The following TPGS1 variants were observed in gnomAD, a reference collection of about 807,000 sequenced individuals.
TPGS1 encodes the protein tubulin polyglutamylase complex subunit 1, also known as gene trap ROSA b-geo 22.
A neutral mutation model predicts 11.9 loss-of-function variants in TPGS1; 18 were observed. That is an observed-to-expected ratio of 1.51 (90% confidence interval 1.04 to 2.24). TPGS1 has a LOEUF of 2.24. TPGS1 is among the 30% of genes most tolerant of loss of function. The pLI is 0.00. For missense variants in TPGS1, 500 were observed against 443.0 expected (o/e 1.13, Z -1.16); for synonymous variants, 247 against 218.2 (o/e 1.13, Z -1.16).
intron 1 of TPGS1, among the ~76,000 whole-genome samples, chr19:517,883 G>A: frequency 7.6e-6 from 1 of 132,150 alleles, no homozygotes. Flanking sequence ...GGCCAGGCTG[G>A]GTGGGGGCTG....
Position 519,151 on chromosome 19 carries a change from C to G in TPGS1, c.601C>G (p.Leu201Val). 1.3e-6 allele frequency: 2 copies of G among 1,511,540 alleles called. No individual in the cohort carries two copies. The highest frequency in any genetic ancestry group is 1.8e-6 in the Non-Finnish European group (2 of 1,137,556). 93.6% of individuals were successfully genotyped at this position (1,511,540 alleles called of 1,614,324 possible). A position where few individuals can be genotyped will look rare whatever the true frequency, so the allele number is the denominator to read the frequency against. The change falls in exon 2 of 2, where the codon CTC (leucine) becomes GTC (valine). Residue 201 changes from leucine (L) to valine (V), a missense_variant. By Grantham distance (32) the Leu-to-Val change is conservative. Transcript: ENST00000359315. ...LLEFVARAGA[L>V]FQLLEDSAAA... ...GGAGTTCGTGGCGCGCGCCGGCGCG[C>G]TCTTCCAGCTGCTGGAGGACTCGGC...
Position 519,265 on chromosome 19 carries a change from C to T in TPGS1, c.715C>T (p.Arg239Cys), listed in dbSNP as rs1263934477. The T allele has an allele frequency of 4.1e-5, 49 of 1,201,108 alleles. No homozygotes were observed. The highest frequency in any genetic ancestry group is 5.1e-5 in the Non-Finnish European group (49 of 969,890). 74.4% of individuals were successfully genotyped at this position (1,201,108 alleles called of 1,614,324 possible). A position where few individuals can be genotyped will look rare whatever the true frequency, so the allele number is the denominator to read the frequency against. The change falls in exon 2 of 2, where the codon CGC becomes TGC. Residue 239 changes from arginine (R) to cysteine (C), a missense_variant. Transcript: ENST00000359315. ...LQASDAAAPA[R>C]FLEAGSRLGP... The stretch of plus-strand genomic sequence containing the variant: ...GGCCAGCGACGCCGCCGCGCCCGCG[C>T]GCTTCCTGGAGGCCGGCTCGCGCTT...
intron 1 of TPGS1, among the ~76,000 whole-genome samples, chr19:514,655 C>A (rs1433929115): frequency 6.6e-6 from 1 of 152,254 alleles, no homozygotes; most frequent in Non-Finnish European, 1.5e-5. Context: ...CACCATGAAG[C>A]TGAGCTCCCA....
chr19:508,142 G>A (rs1228300668), intron 1 of TPGS1: 3 of 310,686 alleles, frequency 9.7e-6, no homozygotes, highest in African/African-American at 6.4e-5. Flanking sequence ...TTTCAAAATC[G>A]TGCAGCTCAA....
In TPGS1 at chr19:507,590, G is replaced by A. The variant is rs918046730; in HGVS notation, c.84G>A (p.Ala28=). ...TDSGRQSVSR[A]AGAAESEEDF... is the part of the protein sequence containing the mutation. ...GCGGCCGCCAGTCGGTATCCCGGGC[G>A]GCGGGGGCGGCCGAGAGCGAGGAGG... The change falls in exon 1 of 2, where the codon GCG becomes GCA. Residue 28 remains alanine, a synonymous_variant. Transcript: ENST00000359315. 2 of 1,400,566 alleles carry A rather than the reference G, an allele frequency of 1.4e-6. No homozygotes were observed. Among genetic ancestry groups the A allele is most frequent in the African/African-American group, 3.0e-5 (2 of 66,686 alleles). 86.8% of individuals were successfully genotyped at this position (1,400,566 alleles called of 1,614,324 possible).
At chr19:518,038 A>C (rs1434919431) in intron 1 of TPGS1, among the ~76,000 whole-genome samples, 1 of 42,664 alleles carries the variant, frequency 2.3e-5, no homozygotes. Context: ...GGGGAGGCCC[A>C]GGCTGAGGGG....
chr19:511,068 T>C (rs539678641), intron 1 of TPGS1, among the ~76,000 whole-genome samples: 1 of 152,378 alleles, frequency 6.6e-6, no homozygotes, highest in Non-Finnish European at 1.5e-5. Context: ...TATTAACAAA[T>C]GCTCACACGC....
At position 519,378 on chromosome 19, in the gene TPGS1, G is replaced by C; in HGVS notation, c.828G>C (p.Glu276Asp). 2 of 1,223,122 alleles carry C rather than the reference G, an allele frequency of 1.6e-6. No homozygotes were observed. The highest frequency in any genetic ancestry group is 2.0e-6 in the Non-Finnish European group (2 of 981,720). 75.8% of individuals were successfully genotyped at this position (1,223,122 alleles called of 1,614,324 possible). Residue 276 changes from glutamate (E) to aspartate (D), a missense_variant, in exon 2 of 2, where the codon GAG (glutamate) becomes GAC (aspartate). By Grantham distance (45) the Glu-to-Asp change is conservative. Transcript: ENST00000359315. ...SAPMTREEFL[E>D]RAAALFIAKV... ...CCATGACCCGCGAGGAGTTTCTGGA[G>C]AGGGCCGCCGCGCTCTTCATCGCGA...
intron 1 of TPGS1, 59 bp downstream of exon 1, chr19:507,903 C>T (rs760564208): frequency 1.2e-5 from 15 of 1,242,646 alleles, no homozygotes; most frequent in Non-Finnish European, 1.5e-5. Context: ...TCCCAGCATG[C>T]CGCGCGCGGC....
At chr19:512,893 G>A (rs1023716562) in intron 1 of TPGS1, among the ~76,000 whole-genome samples, 3 of 152,210 alleles carry the variant, frequency 2.0e-5, no homozygotes, top group Admixed American at 6.5e-5. Context: ...ATGCGGTGGG[G>A]TCGCTCGCGC....
At position 519,108 on chromosome 19, in the gene TPGS1, C is replaced by A; in HGVS notation, c.558C>A (p.Leu186=). 6.5e-7 allele frequency: 1 copy of A among 1,531,886 alleles called. No individual in the cohort carries two copies. The allele number at this position is 1,531,886 out of a possible 1,614,324, so 94.9% of individuals were successfully genotyped here. The part of the protein sequence containing the change: ...VPLSVFRAGT[L]TCFVLLEFVA... ...TGAGCGTCTTCCGCGCGGGCACACTCACCTGCTTCGTGCTGCTGGAGTTCG... is the reference window on the plus strand; with the variant it reads ...TGAGCGTCTTCCGCGCGGGCACACTAACCTGCTTCGTGCTGCTGGAGTTCG... Residue 186 remains leucine (L), a synonymous_variant, in exon 2 of 2, where the codon CTC becomes CTA. Coordinates refer to ENST00000359315, the MANE Select transcript of TPGS1 (RefSeq NM_033513.3).
At chr19:516,697 C>T (rs1202335369) in intron 1 of TPGS1, among the ~76,000 whole-genome samples, 2 of 152,134 alleles carry the variant, frequency 1.3e-5, no homozygotes, top group Non-Finnish European at 2.9e-5. Context: ...TTTCTCACAT[C>T]TTGAGAAAAA....
intron 1 of TPGS1, among the ~76,000 whole-genome samples, chr19:513,865 A>C (rs114582997): frequency 5.2e-4 from 78 of 148,854 alleles, no homozygotes; most frequent in African/African-American, 1.8e-3. Flanking sequence ...ATCCTGGCCC[A>C]GCATTTAGTG....
rs112370786 is a variant in TPGS1, at chr19:519,336, G to A, written c.786G>A (p.Gly262=). The change falls in exon 2 of 2, where the codon GGG becomes GGA. Residue 262 remains glycine, a synonymous_variant. Transcript: ENST00000359315. ...TGGCGCTGGACCGCGCCGTCGGGGG[G>A]CGGCGGCCCAGCGCGCCCATGACCC... ...LALALDRAVG[G]RRPSAPMTRE... The A allele has an allele frequency of 0.25, 297,341 of 1,196,354 alleles. 38,463 individuals carry two copies. Among genetic ancestry groups the A allele is most frequent in the Admixed American group, 0.35 (7,908 of 22,414 alleles). 74.1% of individuals were successfully genotyped at this position (1,196,354 alleles called of 1,614,324 possible). A position where few individuals can be genotyped will look rare whatever the true frequency, so the allele number is the denominator to read the frequency against.
At position 507,678 on chromosome 19, in the gene TPGS1, G is replaced by A. The variant is rs772469678; in HGVS notation, c.172G>A (p.Ala58Thr). 2.8e-5 allele frequency: 39 copies of A among 1,381,630 alleles called. No homozygotes were observed. The highest frequency in any genetic ancestry group is 3.2e-5 in the Non-Finnish European group (34 of 1,057,200). 85.6% of individuals were successfully genotyped at this position (1,381,630 alleles called of 1,614,324 possible). Reference protein sequence around the residue: ...LRAALLKVLEARPEEPIAFLA... With the variant: ...LRAALLKVLETRPEEPIAFLA... ...TGCGGCCCTGCTGAAGGTGCTGGAGGCGCGGCCCGAGGAGCCGATCGCCTT... is the reference window on the plus strand; with the variant it reads ...TGCGGCCCTGCTGAAGGTGCTGGAGACGCGGCCCGAGGAGCCGATCGCCTT... The change falls in exon 1 of 2, where the codon GCG (alanine) becomes ACG (threonine). Residue 58 changes from alanine (A) to threonine (T), a missense_variant. Physicochemically the swap from Ala to Thr is moderately conservative, Grantham distance 58. Coordinates refer to ENST00000359315, the MANE Select transcript of TPGS1 (RefSeq NM_033513.3).
chr19:509,160 G>C (rs1978714313), intron 1 of TPGS1: 1 of 152,222 alleles, frequency 6.6e-6, no homozygotes, highest in Non-Finnish European at 1.5e-5. Flanking sequence ...GGAGAGATGA[G>C]AAGAGCTCAG....
chr19:514,215 TC>T (rs1190640864), intron 1 of TPGS1, among the ~76,000 whole-genome samples: 2 of 129,820 alleles, frequency 1.5e-5, no homozygotes, highest in Non-Finnish European at 1.6e-5. Context: ...TTTACTTCAC[TC>T]CCACTGCACA....
intron 1 of TPGS1, 40 bp from the exon 2 acceptor site, chr19:518,849 G>A (rs746002516): frequency 1.2e-5 from 17 of 1,468,042 alleles, no homozygotes; most frequent in Admixed American, 4.6e-5. Context: ...CTGGGTGGGC[G>A]CGCGGTCTCT....
chr19:511,593 C>A (rs984118745), intron 1 of TPGS1, among the ~76,000 whole-genome samples: 1 of 152,272 alleles, frequency 6.6e-6, no homozygotes, highest in Non-Finnish European at 1.5e-5. Context: ...GTGCACACAG[C>A]TGGGAGGGGC....
Sources: gnomAD v4.1 joint callset for allele counts (sites outside exome capture counted in the v4.1 genomes callset) on GRCh38, gnomAD v4.1.1 for gene constraint, MANE v1.5 for transcripts, NCBI Gene and HGNC (gene_info 2026-07-23, HGNC 2026-07-21) for gene names.